B3GALT9: variants seen among roughly 807,000 people sequenced by gnomAD.
B3GALT9 encodes the protein UDP-GlcNAc:betaGal beta-1,3-N-acetylglucosaminyltransferase 10 (putative).
At chr9:120,794,158 A>C (rs921867244) in intron 1 of B3GALT9, among the ~76,000 whole-genome samples, 2 of 152,178 alleles carry the variant, frequency 1.3e-5, no homozygotes, top group African/African-American at 4.8e-5. Flanking sequence ...ACTCTTTCTC[A>C]ACATTTTTTG....
intron 2 of B3GALT9, among the ~76,000 whole-genome samples, chr9:120,797,127 GAGAAAGAAAGAGAAAGAAAGAAA>G (rs1564469147): frequency 2.0e-5 from 3 of 149,810 alleles, no homozygotes; most frequent in East Asian, 1.9e-4. Context: ...GAGGGAAAGA[GAGAAAGAAAGAGAAAGAAAGAAA>G]AGAAAGAAAG....
At chr9:120,796,307 G>A (rs2044937946) in intron 1 of B3GALT9, 116 bp from the exon 2 acceptor site, 1 of 152,214 alleles carries the variant, frequency 6.6e-6, no homozygotes, top group African/African-American at 2.4e-5. Context: ...TAAAGACATG[G>A]GGTCAGTTTC....
At chr9:120,796,851 G>C (rs1240439874) in intron 2 of B3GALT9, among the ~76,000 whole-genome samples, 1 of 152,132 alleles carries the variant, frequency 6.6e-6, no homozygotes, top group African/African-American at 2.4e-5. Flanking sequence ...GAGGTCAGGA[G>C]TTCAAGACCA....
At position 120,800,411 on chromosome 9, in the gene B3GALT9, G is replaced by A. The variant is rs1176593052; in HGVS notation, c.*733G>A. On this transcript the variant is annotated 3_prime_UTR_variant, in exon 3 of 3. Coordinates refer to ENST00000689072, the MANE Select transcript of B3GALT9 (RefSeq NM_001386823.1). ...TGGGATTACAGGTGTGAGCCACCACGCCTGGCCTAATTTTTGTATTTTTTT... is the reference window on the plus strand; with the variant it reads ...TGGGATTACAGGTGTGAGCCACCACACCTGGCCTAATTTTTGTATTTTTTT... 7.9e-5 allele frequency among the ~76,000 whole-genome samples: 12 copies of A among 151,810 alleles called. No homozygotes were observed. The highest frequency in any genetic ancestry group is 1.3e-4 in the Non-Finnish European group (9 of 67,926).
chr9:120,795,732 G>C (rs2044935127), intron 1 of B3GALT9, among the ~76,000 whole-genome samples: 1 of 152,230 alleles, frequency 6.6e-6, no homozygotes, highest in Non-Finnish European at 1.5e-5. Context: ...AGCCTGGCAT[G>C]AGAAAAGAAT....
At chr9:120,795,678 T>C (rs1030975728) in intron 1 of B3GALT9, among the ~76,000 whole-genome samples, 3 of 152,212 alleles carry the variant, frequency 2.0e-5, no homozygotes, top group Non-Finnish European at 4.4e-5. Context: ...AAATGGCAGA[T>C]AGGAAGATCA....
At position 120,800,727 on chromosome 9, in the gene B3GALT9, G is replaced by A. The variant is rs543058877; in HGVS notation, c.*1049G>A. Among the ~76,000 whole-genome samples the A allele has an allele frequency of 4.7e-4, 72 of 152,230 alleles. No individual in the cohort carries two copies. Among genetic ancestry groups the A allele is most frequent in the Admixed American group, 9.8e-4 (15 of 15,288 alleles). On this transcript the variant is annotated 3_prime_UTR_variant, in exon 3 of 3. Coordinates refer to ENST00000689072, the MANE Select transcript of B3GALT9 (RefSeq NM_001386823.1). ...CACCTGACATACTTTTTTGTAGTGAGAACACTTAAAATCTACTCTACTAAC... is the reference window on the plus strand; with the variant it reads ...CACCTGACATACTTTTTTGTAGTGAAAACACTTAAAATCTACTCTACTAAC...
chr9:120,795,245 C>A (rs934273917), intron 1 of B3GALT9, among the ~76,000 whole-genome samples: 4 of 152,100 alleles, frequency 2.6e-5, no homozygotes, highest in Non-Finnish European at 5.9e-5. Context: ...AAGGCAGTAC[C>A]AGGGTAATCA....
rs2044952955 is a variant in B3GALT9, at chr9:120,798,594, G to A, written c.26G>A (p.Arg9Gln). 1.5e-5 allele frequency: 6 copies of A among 399,440 alleles called. No homozygotes were observed. In the Admixed American group the frequency reaches 1.8e-4, roughly 12 times the overall value. 24.7% of individuals were successfully genotyped at this position (399,440 alleles called of 1,614,324 possible). The change falls in exon 3 of 3, where the codon CGG (arginine) becomes CAG (glutamine). Residue 9 changes from arginine (R) to glutamine (Q), a missense_variant. Arg to Gln is a conservative substitution (Grantham distance 43). Coordinates refer to ENST00000689072, the MANE Select transcript of B3GALT9 (RefSeq NM_001386823.1). ...TTTTAGGTGACTTTCTGCAGACTTCGGACTCACCAGTGGTGTTTCATTCTA... is the reference window on the plus strand; with the variant it reads ...TTTTAGGTGACTTTCTGCAGACTTCAGACTCACCAGTGGTGTTTCATTCTA... MQVTFCRLRTHQWCFILFN... is the reference protein window; with the variant it reads MQVTFCRLQTHQWCFILFN...
At chr9:120,797,107 G>A (rs535540960) in intron 2 of B3GALT9, among the ~76,000 whole-genome samples, 88 of 150,788 alleles carry the variant, frequency 5.8e-4, no homozygotes, top group African/African-American at 1.5e-3. Flanking sequence ...GAGGGAGGGA[G>A]GGGGAGACAG....
intron 2 of B3GALT9, among the ~76,000 whole-genome samples, chr9:120,797,858 A>G (rs139026794): frequency 2.9e-4 from 44 of 152,358 alleles, no homozygotes; most frequent in Non-Finnish European, 4.3e-4. Flanking sequence ...CCTTTCAGAC[A>G]GAAAGTTTCC....
Position 120,793,785 on chromosome 9 carries a change from T to G in B3GALT9, c.-319T>G, listed in dbSNP as rs1332209087. 2.5e-6 allele frequency: 1 copy of G among 396,594 alleles called. No individual in the cohort carries two copies. The highest frequency in any genetic ancestry group is 4.4e-5 in the Admixed American group (1 of 22,648). The allele number at this position is 396,594 out of a possible 1,614,324, so 24.6% of individuals were successfully genotyped here. On this transcript the variant is annotated 5_prime_UTR_variant, in exon 1 of 3. Coordinates refer to ENST00000689072, the MANE Select transcript of B3GALT9 (RefSeq NM_001386823.1). ...ATTCATACAACCTGTTGGGCACCTCTTTATCCCGAACGCTGTTCTAGGGGA... is the reference window on the plus strand; with the variant it reads ...ATTCATACAACCTGTTGGGCACCTCGTTATCCCGAACGCTGTTCTAGGGGA...
At chr9:120,794,113 G>C (rs191141967) in intron 1 of B3GALT9, among the ~76,000 whole-genome samples, 191 bp downstream of exon 1, 5 of 152,238 alleles carry the variant, frequency 3.3e-5, no homozygotes, top group Admixed American at 3.3e-4. Context: ...ACCTTTTGGC[G>C]TCAAGAACTA....
chr9:120,795,893 C>T lies in B3GALT9; in HGVS notation c.-181-530C>T, dbSNP rs147642465. ...GGAGAAAACATCAAATGTTTAGTTT[C>T]TTCAATTCCGGCTAAAGTGGACTGT... On this transcript the variant is annotated intron_variant, in intron 1 of 2. Transcript: ENST00000689072. 7.8e-3 allele frequency among the ~76,000 whole-genome samples: 1,194 copies of T among 152,290 alleles called. 5 individuals are homozygous for T. Among genetic ancestry groups the T allele is most frequent in the Non-Finnish European group, 0.012 (803 of 68,016 alleles).
intron 2 of B3GALT9, among the ~76,000 whole-genome samples, chr9:120,797,314 T>C (rs2044946246): frequency 6.6e-6 from 1 of 152,024 alleles, no homozygotes; most frequent in African/African-American, 2.4e-5. Flanking sequence ...GAAACCAGCC[T>C]GGCCAACATT....
Position 120,793,720 on chromosome 9 carries a change from G to A in B3GALT9, c.-384G>A. 2.5e-6 allele frequency: 1 copy of A among 398,704 alleles called. No homozygotes were observed. The highest frequency in any genetic ancestry group is 4.4e-6 in the Non-Finnish European group (1 of 226,144). 24.7% of individuals were successfully genotyped at this position (398,704 alleles called of 1,614,324 possible). Reference sequence around the variant, plus strand: ...CTTATTATCCTCATTTTACGGAGGAGAGGGAGCTGTGGCTTAGAGAAGTTA... The same window carrying A: ...CTTATTATCCTCATTTTACGGAGGAAAGGGAGCTGTGGCTTAGAGAAGTTA... On this transcript the variant is annotated 5_prime_UTR_variant, in exon 1 of 3. Transcript: ENST00000689072.
chr9:120,793,542 C>A lies in B3GALT9; in HGVS notation c.-562C>A. 1 of 399,340 alleles carries A rather than the reference C, an allele frequency of 2.5e-6. No homozygotes were observed. The highest frequency in any genetic ancestry group is 3.6e-5 in the East Asian group (1 of 27,938). The allele number at this position is 399,340 out of a possible 1,614,324, so 24.7% of individuals were successfully genotyped here. ...AGTAGGGGTGGGGAGAAGAGCGTCC[C>A]GGGAAGCTGAACGCGTGCCGCGCGG... On this transcript the variant is annotated 5_prime_UTR_variant, in exon 1 of 3. Transcript: ENST00000689072.
Position 120,798,563 on chromosome 9 carries a change from T to TTC in B3GALT9, c.7-11_7-10dup. 1 of 399,682 alleles carries TTC rather than the reference T, an allele frequency of 2.5e-6. No individual in the cohort carries two copies. Among genetic ancestry groups the TTC allele is most frequent in the South Asian group, 1.3e-4 (1 of 7,860 alleles). The allele number at this position is 399,682 out of a possible 1,614,324, so 24.8% of individuals were successfully genotyped here. A position where few individuals can be genotyped will look rare whatever the true frequency, so the allele number is the denominator to read the frequency against. On this transcript the variant is annotated splice_polypyrimidine_tract_variant and intron_variant, in intron 2 of 2. Transcript: ENST00000689072. ...TGAAGCCTGAATGAACACGTGTCCT[T>TTC]TCCTTTTTTAGGTGACTTTCTGCAG...
chr9:120,795,273 T>G (rs139521708), intron 1 of B3GALT9, among the ~76,000 whole-genome samples: 1 of 152,274 alleles, frequency 6.6e-6, no homozygotes, highest in East Asian at 1.9e-4. Context: ...CAAGCACCCA[T>G]ATCTCTTTGG....
Sources: allele counts gnomAD v4.1 joint callset (sites outside exome capture counted in the v4.1 genomes callset), GRCh38; gene constraint gnomAD v4.1.1; transcripts MANE v1.5; gene names NCBI Gene and HGNC (gene_info 2026-07-23, HGNC 2026-07-21).